STK31: variants seen among roughly 807,000 people sequenced by gnomAD.
The protein encoded by STK31 is serine/threonine-protein kinase 31.
A neutral mutation model predicts 129.7 loss-of-function variants in STK31; 89 were observed. The observed-to-expected ratio is 0.69, with a 90% CI of 0.58 to 0.82. The LOEUF (loss-of-function observed/expected upper bound fraction) is 0.82, where lower values mean the gene tolerates loss of function less well. STK31 is among the 40% of genes least tolerant of loss of function. The pLI, the probability that STK31 is intolerant of heterozygous loss-of-function variation, is 0.00. For missense variants in STK31, 1,187 were observed against 1,176.4 expected (o/e 1.01, Z -0.13); for synonymous variants, 448 against 395.3 (o/e 1.13, Z -1.58).
At chr7:23,795,408 C>T (rs1224534980) in intron 22 of STK31, among the ~76,000 whole-genome samples, 1 of 152,194 alleles carries the variant, frequency 6.6e-6, no homozygotes, top group Admixed American at 6.5e-5. Flanking sequence ...ATGGAAATGC[C>T]TGGATGTCCA....
intron 22 of STK31, among the ~76,000 whole-genome samples, chr7:23,799,994 C>G (rs112106429): frequency 0.2 from 30,355 of 152,166 alleles, 2,956 homozygotes; most frequent in East Asian, 0.23. Flanking sequence ...AGCTCATCAT[C>G]ACTGGTCATT....
intron 3 of STK31, among the ~76,000 whole-genome samples, chr7:23,717,125 T>TA (rs1491485437): frequency 9.7e-6 from 1 of 102,972 alleles, no homozygotes; most frequent in East Asian, 3.2e-4. Flanking sequence ...TTTTTTTTTT[T>TA]AGCATTTCTT....
At chr7:23,730,878 A>ATATATATATATATATATATTTT in intron 6 of STK31, among the ~76,000 whole-genome samples, 1 of 59,536 alleles carries the variant, frequency 1.7e-5, no homozygotes, top group South Asian at 8.2e-4. Context: ...ATATATATAT[A>ATATATATATATATATATATTTT]TTTTTTTTTT....
In STK31 at chr7:23,717,523, C is replaced by G; in HGVS notation, c.193C>G (p.Leu65Val). ...NKDIMKIGCS[L>V]SEVCPQASSV... is the part of the protein sequence containing the mutation. ...GGATATCATGAAGATTGGTTGCTCA[C>G]TGTCTGAAGTTTGCCCCCAGGCCAG... The change falls in exon 4 of 24, where the codon CTG (leucine) becomes GTG (valine). Residue 65 changes from leucine (L) to valine (V), a missense_variant. Physicochemically the swap from Leu to Val is conservative, Grantham distance 32. Transcript: ENST00000355870. The G allele has an allele frequency of 6.2e-7, 1 of 1,613,246 alleles. No individual in the cohort carries two copies. Among genetic ancestry groups the G allele is most frequent in the Non-Finnish European group, 8.5e-7 (1 of 1,179,498 alleles).
intron 22 of STK31, among the ~76,000 whole-genome samples, chr7:23,806,941 G>A (rs978404817): frequency 2.0e-5 from 3 of 150,570 alleles, no homozygotes; most frequent in African/African-American, 7.3e-5. Context: ...CAGGATGGAC[G>A]GACTCACTAA....
At chr7:23,751,625 A>G (rs182971623) in intron 8 of STK31, among the ~76,000 whole-genome samples, 10 of 152,314 alleles carry the variant, frequency 6.6e-5, no homozygotes, top group Non-Finnish European at 1.5e-4. Flanking sequence ...TTCTTTCTCT[A>G]CTTATTCAAT....
At chr7:23,742,823 G>C (rs1217388414) in intron 8 of STK31, among the ~76,000 whole-genome samples, 1 of 151,942 alleles carries the variant, frequency 6.6e-6, no homozygotes, top group Admixed American at 6.6e-5. Context: ...ACACTATCTA[G>C]TTGGCCATCT....
At chr7:23,808,267 A>G (rs1792845592) in intron 22 of STK31, among the ~76,000 whole-genome samples, 1 of 151,668 alleles carries the variant, frequency 6.6e-6, no homozygotes. Context: ...TCACCCCAGC[A>G]AAAGTGGAAT....
chr7:23,820,010 G>A (rs1201109857), intron 23 of STK31, among the ~76,000 whole-genome samples: 3 of 152,180 alleles, frequency 2.0e-5, no homozygotes, highest in African/African-American at 7.2e-5. Flanking sequence ...CATTTTAATA[G>A]TGTCAAATTC....
chr7:23,739,274 C>T (rs919751064), intron 8 of STK31, among the ~76,000 whole-genome samples: 1 of 152,124 alleles, frequency 6.6e-6, no homozygotes. Flanking sequence ...TAAATGTCTT[C>T]TTTTGAGAAG....
At position 23,832,191 on chromosome 7, in the gene STK31, C is replaced by A; in HGVS notation, c.2885C>A (p.Thr962Asn). 2 of 1,614,132 alleles carry A rather than the reference C, an allele frequency of 1.2e-6. No individual in the cohort carries two copies. The highest frequency in any genetic ancestry group is 1.7e-6 in the Non-Finnish European group (2 of 1,180,022). Residue 962 changes from threonine (T) to asparagine (N), a missense_variant, in exon 24 of 24, where the codon ACT (threonine) becomes AAT (asparagine). By Grantham distance (65) the Thr-to-Asn change is moderately conservative (BLOSUM62 0). Transcript: ENST00000355870. The part of the protein sequence containing the change: ...CSLICYRSSM[T>N]AEQVLNAECF... Reference sequence around the variant, plus strand: ...TTGATATGTTATAGAAGTTCAATGACTGCTGAACAAGTTTTAAATGCTGAA... The same window carrying A: ...TTGATATGTTATAGAAGTTCAATGAATGCTGAACAAGTTTTAAATGCTGAA...
chr7:23,721,051 C>T lies in STK31; in HGVS notation c.249+3472C>T, dbSNP rs562229400. Among the ~76,000 whole-genome samples the T allele has an allele frequency of 2.0e-5, 3 of 152,310 alleles. No individual in the cohort carries two copies. In the South Asian group the frequency reaches 6.2e-4, roughly 32 times the overall value. ...GAATCAGAAAAGGATTTATAGTACACAAGTCTTGATTACTGTTTCATTCCA... is the reference window on the plus strand; with the variant it reads ...GAATCAGAAAAGGATTTATAGTACATAAGTCTTGATTACTGTTTCATTCCA... On this transcript the variant is annotated intron_variant, in intron 4 of 23. Coordinates refer to ENST00000355870, the MANE Select transcript of STK31 (RefSeq NM_031414.5).
At chr7:23,733,501 C>A (rs1038166169) in intron 6 of STK31, among the ~76,000 whole-genome samples, 1 of 151,254 alleles carries the variant, frequency 6.6e-6, no homozygotes, top group African/African-American at 2.4e-5. Flanking sequence ...CAGGTATCCT[C>A]AACCTGTTGT....
intron 8 of STK31, among the ~76,000 whole-genome samples, chr7:23,738,003 C>T (rs1787820509): frequency 1.3e-5 from 2 of 152,080 alleles, no homozygotes; most frequent in African/African-American, 4.8e-5. Context: ...ATTACCTGTA[C>T]TTAGCATATA....
At chr7:23,720,213 G>C (rs1339727957) in intron 4 of STK31, among the ~76,000 whole-genome samples, 1 of 152,146 alleles carries the variant, frequency 6.6e-6, no homozygotes, top group Admixed American at 6.5e-5. Flanking sequence ...CATGGCATGG[G>C]TCCCAAAGAT....
chr7:23,829,531 G>C (rs1175385316), intron 23 of STK31, among the ~76,000 whole-genome samples: 2 of 152,148 alleles, frequency 1.3e-5, no homozygotes, highest in African/African-American at 4.8e-5. Flanking sequence ...CGGATTGGTA[G>C]TATTTTGTTG....
intron 20 of STK31, among the ~76,000 whole-genome samples, chr7:23,787,741 TACACACACACACACACAC>T (rs71888376): frequency 2.1e-5 from 3 of 145,640 alleles, no homozygotes; most frequent in East Asian, 2.1e-4. Context: ...GGTATGATTG[TACACACACACACACACAC>T]ACACACACAC....
intron 9 of STK31, 77 bp downstream of exon 9, chr7:23,752,909 C>A: frequency 1.0e-6 from 1 of 962,918 alleles, no homozygotes; most frequent in Non-Finnish European, 1.6e-6. Context: ...AAATTGTGTG[C>A]TTGCCATTTT....
chr7:23,785,277 G>A (rs1050908172), intron 17 of STK31, among the ~76,000 whole-genome samples: 4 of 152,144 alleles, frequency 2.6e-5, no homozygotes, highest in Non-Finnish European at 5.9e-5. Flanking sequence ...TTAAATGTAT[G>A]GTGATTACAC....
Sources: allele counts gnomAD v4.1 joint callset (sites outside exome capture counted in the v4.1 genomes callset), GRCh38; gene constraint gnomAD v4.1.1; transcripts MANE v1.5; gene names NCBI Gene and HGNC (gene_info 2026-07-23, HGNC 2026-07-21).